PRKG1: variants seen among roughly 807,000 people sequenced by gnomAD.
The protein encoded by PRKG1 is protein kinase cGMP-dependent 1, also known as cGMP-dependent protein kinase 1.
A neutral mutation model predicts 88.1 loss-of-function variants in PRKG1; 35 were observed. The ratio of observed to expected loss-of-function variants is 0.40; its 90% CI spans 0.30 to 0.53. The LOEUF is 0.53. PRKG1 is among the 20% of genes least tolerant of loss of function. The pLI, the probability that PRKG1 is intolerant of heterozygous loss-of-function variation, is 0.59. For missense variants in PRKG1, 540 were observed against 839.8 expected (o/e 0.64, Z 4.41); for synonymous variants, 303 against 292.5 (o/e 1.04, Z -0.37).
At chr10:51,673,313 C>T (rs971258794) in intron 3 of PRKG1, among the ~76,000 whole-genome samples, 2 of 151,880 alleles carry the variant, frequency 1.3e-5, no homozygotes, top group East Asian at 1.9e-4. Flanking sequence ...GAAGAGTAGC[C>T]GGGAAAGGCC....
At chr10:51,762,437 C>T (rs1402467215) in intron 3 of PRKG1, among the ~76,000 whole-genome samples, 1 of 152,148 alleles carries the variant, frequency 6.6e-6, no homozygotes, top group East Asian at 1.9e-4. Flanking sequence ...TATTATAAAA[C>T]ATTCAACTAT....
chr10:52,009,430 C>T (rs1219623687), intron 5 of PRKG1, among the ~76,000 whole-genome samples: 1 of 151,966 alleles, frequency 6.6e-6, no homozygotes, highest in Non-Finnish European at 1.5e-5. Flanking sequence ...ATGACTGCTA[C>T]ATAAAGAATA....
chr10:51,641,494 A>G (rs1027011280), intron 3 of PRKG1, among the ~76,000 whole-genome samples: 4 of 152,148 alleles, frequency 2.6e-5, no homozygotes, highest in African/African-American at 9.7e-5. Context: ...CTGTGCTCAC[A>G]TGGATGCCTT....
chr10:51,367,198 G>A (rs1372148679), intron 2 of PRKG1, among the ~76,000 whole-genome samples: 1 of 151,838 alleles, frequency 6.6e-6, no homozygotes, highest in African/African-American at 2.4e-5. Context: ...CAACAGGGAG[G>A]CTTTTAACAG....
intron 1 of PRKG1, among the ~76,000 whole-genome samples, chr10:51,010,279 G>C (rs1284395728): frequency 6.6e-6 from 1 of 152,220 alleles, no homozygotes; most frequent in African/African-American, 2.4e-5. Context: ...GGCCATTAAT[G>C]GCATCTCACT....
chr10:51,139,843 T>C (rs898783197), intron 1 of PRKG1, among the ~76,000 whole-genome samples: 1 of 152,226 alleles, frequency 6.6e-6, no homozygotes, highest in Non-Finnish European at 1.5e-5. Context: ...ATTCTAGAGA[T>C]GTTTTTTACA....
chr10:51,793,966 A>C (rs569895419), intron 3 of PRKG1, among the ~76,000 whole-genome samples: 1 of 151,842 alleles, frequency 6.6e-6, no homozygotes, highest in East Asian at 1.9e-4. Flanking sequence ...ATTTCACCAT[A>C]TTGGCCAGGC....
At chr10:51,760,104 A>G (rs931406567) in intron 3 of PRKG1, among the ~76,000 whole-genome samples, 1 of 152,230 alleles carries the variant, frequency 6.6e-6, no homozygotes, top group African/African-American at 2.4e-5. Flanking sequence ...AAAAATGACT[A>G]ATCTACCACT....
rs1342770514 is a variant in PRKG1, at chr10:52,282,177, A to G, written c.1570A>G (p.Ile524Val). 6.2e-7 allele frequency: 1 copy of G among 1,604,446 alleles called. No individual in the cohort carries two copies. Among genetic ancestry groups the G allele is most frequent in the Non-Finnish European group, 8.5e-7 (1 of 1,174,830 alleles). Residue 524 changes from isoleucine to valine, a missense_variant, in exon 14 of 18, where the codon ATA becomes GTA. Physicochemically the swap from Ile to Val is conservative, Grantham distance 29. This residue lies in a region of PRKG1 where 97 missense variants were observed against 210.6 expected (regional missense o/e 0.46). Coordinates refer to ENST00000373980, the MANE Select transcript of PRKG1 (RefSeq NM_006258.4). Reference sequence around the variant, plus strand: ...GGTTGATTTTGGCTTTGCAAAGAAAATAGGATTTGGAAAGAAAACATGGAC... The same window carrying G: ...GGTTGATTTTGGCTTTGCAAAGAAAGTAGGATTTGGAAAGAAAACATGGAC... ...KLVDFGFAKK[I>V]GFGKKTWTFC...
At chr10:51,972,764 T>C (rs1279652270) in intron 5 of PRKG1, among the ~76,000 whole-genome samples, 1 of 152,208 alleles carries the variant, frequency 6.6e-6, no homozygotes, top group Non-Finnish European at 1.5e-5. Flanking sequence ...CTATTTCTCA[T>C]CTTGGTAATA....
chr10:51,415,910 A>AGTGTGTGTGTGTGT (rs71459419), intron 2 of PRKG1, among the ~76,000 whole-genome samples: 73 of 147,224 alleles, frequency 5.0e-4, no homozygotes, highest in African/African-American at 1.5e-3. Flanking sequence ...TAGAGCTTCC[A>AGTGTGTGTGTGTGT]GTGTGTGTGT....
chr10:51,034,666 A>AT (rs5784854), intron 1 of PRKG1, among the ~76,000 whole-genome samples: 3,190 of 25,656 alleles, frequency 0.12, 351 homozygotes, highest in South Asian at 0.18. Context: ...ATAATATGTT[A>AT]TTTATATATA....
At position 51,996,667 on chromosome 10, in the gene PRKG1, C is replaced by A. The variant is rs74763235; in HGVS notation, c.763-57817C>A. 1.3e-3 allele frequency among the ~76,000 whole-genome samples: 201 copies of A among 152,068 alleles called. 1 individual carries two copies. The highest frequency in any genetic ancestry group is 4.5e-3 in the African/African-American group (188 of 41,462). ...GGCAAAGATGCATAGAAAAGGGAAC[C>A]CTTGGACACTGTTTGTGAGAATGTA... On this transcript the variant is annotated intron_variant, in intron 5 of 17. Coordinates refer to ENST00000373980, the MANE Select transcript of PRKG1 (RefSeq NM_006258.4).
chr10:51,981,904 T>C (rs1360875638), intron 5 of PRKG1, among the ~76,000 whole-genome samples: 6 of 152,174 alleles, frequency 3.9e-5, no homozygotes, highest in Non-Finnish European at 7.4e-5. Flanking sequence ...TCCTAAAACA[T>C]GTTTTCCAAG....
chr10:51,766,798 G>A (rs528645702), intron 3 of PRKG1, among the ~76,000 whole-genome samples: 5 of 152,254 alleles, frequency 3.3e-5, no homozygotes, highest in African/African-American at 1.2e-4. Context: ...AAACTGGGGT[G>A]GGGTGCGGGG....
intron 4 of PRKG1, among the ~76,000 whole-genome samples, chr10:51,810,303 A>G: frequency 6.6e-6 from 1 of 152,220 alleles, no homozygotes; most frequent in East Asian, 1.9e-4. Flanking sequence ...AGTACTGATC[A>G]TATGGTTTGG....
chr10:51,028,843 T>G (rs1843243118), intron 1 of PRKG1, among the ~76,000 whole-genome samples: 1 of 152,202 alleles, frequency 6.6e-6, no homozygotes, highest in South Asian at 2.1e-4. Flanking sequence ...CATTCGAGAA[T>G]ATAAACTCAT....
intron 5 of PRKG1, among the ~76,000 whole-genome samples, chr10:51,974,940 G>A (rs191073242): frequency 7.6e-4 from 115 of 152,158 alleles, no homozygotes; most frequent in African/African-American, 2.4e-3. Context: ...GCCCAACTAC[G>A]TAGAAAATGT....
At chr10:52,080,014 C>G (rs1159059173) in intron 7 of PRKG1, among the ~76,000 whole-genome samples, 8 of 152,082 alleles carry the variant, frequency 5.3e-5, no homozygotes. Context: ...TATCCCAGTG[C>G]CCACTAAATA....
Sources: gnomAD v4.1 joint callset for allele counts (sites outside exome capture counted in the v4.1 genomes callset) on GRCh38, gnomAD v4.1.1 for gene constraint, gnomAD v4.1.1 regional missense constraint, MANE v1.5 for transcripts, NCBI Gene and HGNC (gene_info 2026-07-23, HGNC 2026-07-21) for gene names.